The following DNAJC1 variants were observed in gnomAD, a reference collection of about 807,000 sequenced individuals.
DNAJC1 encodes the protein dnaJ homolog subfamily C member 1.
Under a neutral mutation model 76.6 loss-of-function variants are expected in DNAJC1, and 58 were observed. The observed-to-expected ratio is 0.76, with a 90% CI of 0.61 to 0.94. DNAJC1 has a LOEUF of 0.94. DNAJC1 is among the 40% of genes least tolerant of loss of function. The pLI is 0.00. For missense variants in DNAJC1, 689 were observed against 677.3 expected (o/e 1.02, Z -0.19); for synonymous variants, 258 against 267.9 (o/e 0.96, Z 0.36).
intron 1 of DNAJC1, among the ~76,000 whole-genome samples, chr10:21,969,140 C>T (rs1355420323): frequency 2.0e-5 from 3 of 149,718 alleles, no homozygotes; most frequent in African/African-American, 7.4e-5. Context: ...AGGATAATTG[C>T]TTGAACCCGG....
chr10:21,936,214 T>C (rs949325536), intron 1 of DNAJC1, among the ~76,000 whole-genome samples: 1 of 152,120 alleles, frequency 6.6e-6, no homozygotes, highest in African/African-American at 2.4e-5. Flanking sequence ...GGAGGACACA[T>C]AGAAGGGACC....
intron 9 of DNAJC1, among the ~76,000 whole-genome samples, chr10:21,792,758 CAAA>C (rs1287180845): frequency 1.2e-3 from 82 of 65,784 alleles, no homozygotes; most frequent in African/African-American, 3.3e-3. Flanking sequence ...GACAACACCT[CAAA>C]AAAAAAAAAA....
intron 7 of DNAJC1, among the ~76,000 whole-genome samples, chr10:21,884,423 G>A (rs1241830019): frequency 6.6e-6 from 1 of 152,038 alleles, no homozygotes; most frequent in Non-Finnish European, 1.5e-5. Context: ...ATGTACTGTT[G>A]GCAGGGAAAA....
chr10:21,817,228 C>T (rs1345429506), intron 8 of DNAJC1, among the ~76,000 whole-genome samples: 1 of 150,332 alleles, frequency 6.7e-6, no homozygotes, highest in Non-Finnish European at 1.5e-5. Flanking sequence ...TCTTTCAGCA[C>T]CTACTTTTCT....
At chr10:21,993,789 T>C (rs1678775200) in intron 1 of DNAJC1, among the ~76,000 whole-genome samples, 2 of 152,212 alleles carry the variant, frequency 1.3e-5, no homozygotes, top group South Asian at 4.1e-4. Flanking sequence ...TATCATGATC[T>C]TTGTTTTTAA....
At chr10:22,003,141 C>G in intron 1 of DNAJC1, 72 bp downstream of exon 1, 1 of 1,392,602 alleles carries the variant, frequency 7.2e-7, no homozygotes, top group Non-Finnish European at 9.4e-7. Flanking sequence ...GTCCGGCTGT[C>G]TCTGAGGAAC....
intron 8 of DNAJC1, among the ~76,000 whole-genome samples, chr10:21,874,875 G>C (rs1178554384): frequency 2.0e-5 from 3 of 151,936 alleles, no homozygotes; most frequent in Admixed American, 1.3e-4. Flanking sequence ...TTTTTGTTTT[G>C]TTTTTGTTTT....
chr10:21,870,066 A>G (rs560319769), intron 8 of DNAJC1, among the ~76,000 whole-genome samples: 1 of 152,190 alleles, frequency 6.6e-6, no homozygotes, highest in Admixed American at 6.5e-5. Flanking sequence ...AAAGATAGCA[A>G]ATCAAATCAA....
intron 8 of DNAJC1, among the ~76,000 whole-genome samples, chr10:21,828,782 G>A (rs1316619662): frequency 6.6e-6 from 1 of 152,038 alleles, no homozygotes; most frequent in Non-Finnish European, 1.5e-5. Flanking sequence ...AAGTTCATAT[G>A]CAATACTGAC....
intron 1 of DNAJC1, among the ~76,000 whole-genome samples, chr10:21,932,168 C>T (rs1837238497): frequency 6.6e-6 from 1 of 151,906 alleles, no homozygotes. Context: ...AAAACCCCAT[C>T]TGTGCAAAAA....
At chr10:21,843,175 G>A (rs967107499) in intron 8 of DNAJC1, among the ~76,000 whole-genome samples, 4 of 152,130 alleles carry the variant, frequency 2.6e-5, no homozygotes, top group African/African-American at 9.7e-5. Context: ...GAGGAAGTAT[G>A]TATGATTATT....
chr10:21,820,583 G>A lies in DNAJC1; in HGVS notation c.979-14484C>T, dbSNP rs77479330. On this transcript the variant is annotated intron_variant, in intron 8 of 11. Transcript: ENST00000376980. ...ATTCTACAGAAGACACCACCTGGGT[G>A]TCTGCCAATTCAATTCTGACCCTAT... 8.4e-3 allele frequency among the ~76,000 whole-genome samples: 1,279 copies of A among 152,288 alleles called. 18 individuals carry two copies. Among genetic ancestry groups the A allele is most frequent in the African/African-American group, 0.029 (1,206 of 41,544 alleles).
chr10:21,997,927 GA>G (rs1838445637), intron 1 of DNAJC1, among the ~76,000 whole-genome samples: 1 of 152,132 alleles, frequency 6.6e-6, no homozygotes, highest in Admixed American at 6.5e-5. Context: ...CTGGCACCAT[GA>G]AGACAAATCT....
chr10:21,864,708 T>C (rs766806879), intron 8 of DNAJC1, among the ~76,000 whole-genome samples: 70 of 151,990 alleles, frequency 4.6e-4, no homozygotes, highest in Non-Finnish European at 9.1e-4. Context: ...ATTTCCTAAT[T>C]ATGACATATA....
At position 22,003,704 on chromosome 10, in the gene DNAJC1, C is replaced by A. The variant is rs928431410; in HGVS notation, c.-270G>T. The A allele has an allele frequency of 2.5e-5, 9 of 356,322 alleles. No homozygotes were observed. Among genetic ancestry groups the A allele is most frequent in the African/African-American group, 4.3e-5 (2 of 46,974 alleles). 22.1% of individuals were successfully genotyped at this position (356,322 alleles called of 1,614,324 possible). A position where few individuals can be genotyped will look rare whatever the true frequency, so the allele number is the denominator to read the frequency against. On this transcript the variant is annotated 5_prime_UTR_variant, in exon 1 of 12. Coordinates refer to ENST00000376980, the MANE Select transcript of DNAJC1 (RefSeq NM_022365.4). Reference sequence around the variant, plus strand: ...CCAGGCCTACACACAGCTGTAGAGGCAGCGCCCGGCGCCTGGGCTGCACAG... The same window carrying A: ...CCAGGCCTACACACAGCTGTAGAGGAAGCGCCCGGCGCCTGGGCTGCACAG...
intron 1 of DNAJC1, among the ~76,000 whole-genome samples, chr10:21,971,499 A>T (rs1837977542): frequency 6.6e-6 from 1 of 151,886 alleles, no homozygotes. Context: ...GAATTTGAAG[A>T]ATCTTTTAGT....
chr10:21,781,698 G>T (rs996599395), intron 9 of DNAJC1, among the ~76,000 whole-genome samples: 3 of 137,332 alleles, frequency 2.2e-5, no homozygotes, highest in African/African-American at 8.4e-5. Flanking sequence ...TCCAGCCTGG[G>T]TGACAGAGTG....
At chr10:21,839,316 G>C (rs1835530101) in intron 8 of DNAJC1, among the ~76,000 whole-genome samples, 1 of 152,148 alleles carries the variant, frequency 6.6e-6, no homozygotes, top group Non-Finnish European at 1.5e-5. Context: ...CCAGGAGCTG[G>C]TTTGTTGAAA....
At chr10:21,998,409 A>G (rs993567401) in intron 1 of DNAJC1, among the ~76,000 whole-genome samples, 1 of 149,696 alleles carries the variant, frequency 6.7e-6, no homozygotes, top group African/African-American at 2.5e-5. Flanking sequence ...AAAAAAAAAA[A>G]GAAATACAGA....
Sources: allele counts gnomAD v4.1 joint callset (sites outside exome capture counted in the v4.1 genomes callset), GRCh38; gene constraint gnomAD v4.1.1; transcripts MANE v1.5; gene names NCBI Gene and HGNC (gene_info 2026-07-23, HGNC 2026-07-21).